The following ZEB1 variants were observed in gnomAD, a reference collection of about 807,000 sequenced individuals.
ZEB1 encodes the protein zinc finger E-box-binding homeobox 1.
In ZEB1, 21 loss-of-function variants were observed where a neutral mutation model predicts 84.9. The observed-to-expected ratio is 0.25, with a 90% CI of 0.18 to 0.36. The LOEUF is 0.36. Ranked by LOEUF, ZEB1 falls within the 10% of genes least tolerant of loss-of-function variation. ZEB1 has a pLI of 1.00. For synonymous variants in ZEB1, 420 were observed against 471.1 expected, an observed-to-expected ratio of 0.89 and a Z score of 1.41; for missense variants, 1,104 against 1,330.2, an observed-to-expected ratio of 0.83 and a Z score of 2.65.
At chr10:31,412,919 T>C (rs896304275) in intron 1 of ZEB1, among the ~76,000 whole-genome samples, 9 of 152,188 alleles carry the variant, frequency 5.9e-5, no homozygotes, top group African/African-American at 1.9e-4. Flanking sequence ...AGAGGCCCTA[T>C]ATAAAGCCAG....
chr10:31,436,771 T>A (rs1315929257), intron 1 of ZEB1, among the ~76,000 whole-genome samples: 4 of 152,162 alleles, frequency 2.6e-5, no homozygotes, highest in African/African-American at 9.7e-5. Flanking sequence ...AGGTCATAAT[T>A]TCTTTAAAGT....
rs1246784359 is a variant in ZEB1, at chr10:31,411,114, G to A, written c.59-49923G>A. On this transcript the variant is annotated intron_variant, in intron 1 of 8. Transcript: ENST00000424869. ...TATTCTAAAATCAACCACATAGTTG[G>A]AAGTAAAACACTCCTCAGCAAATGC... Among the ~76,000 whole-genome samples the A allele has an allele frequency of 2.6e-5, 4 of 152,076 alleles. 1 individual carries two copies. The highest frequency in any genetic ancestry group is 2.0e-4 in the Admixed American group (3 of 15,282).
chr10:31,354,443 T>C (rs1369399163), intron 1 of ZEB1, among the ~76,000 whole-genome samples: 1 of 152,156 alleles, frequency 6.6e-6, no homozygotes, highest in African/African-American at 2.4e-5. Flanking sequence ...ATGTCTCTTT[T>C]TGGAAAAATA....
At chr10:31,449,466 G>A (rs1419646165) in intron 1 of ZEB1, among the ~76,000 whole-genome samples, 1 of 152,166 alleles carries the variant, frequency 6.6e-6, no homozygotes, top group South Asian at 2.1e-4. Context: ...ATACTTTTAT[G>A]GTTTCAGTTT....
intron 1 of ZEB1, among the ~76,000 whole-genome samples, chr10:31,444,654 C>G (rs1032533226): frequency 2.0e-5 from 3 of 152,012 alleles, no homozygotes; most frequent in East Asian, 3.9e-4. Flanking sequence ...TTCCCAGCAC[C>G]ATTTGTTAAA....
chr10:31,448,508 C>G (rs552731587), intron 1 of ZEB1, among the ~76,000 whole-genome samples: 1,816 of 149,390 alleles, frequency 0.012, 38 homozygotes, highest in African/African-American at 0.043. Context: ...AGAGTTTCCA[C>G]TTTTTCTGTT....
At chr10:31,447,297 C>T (rs1396890451) in intron 1 of ZEB1, among the ~76,000 whole-genome samples, 2 of 144,422 alleles carry the variant, frequency 1.4e-5, no homozygotes, top group Non-Finnish European at 3.0e-5. Context: ...TTATTTTGAG[C>T]CTATGTGTGT....
chr10:31,348,763 T>G (rs2133807656), intron 1 of ZEB1, among the ~76,000 whole-genome samples: 1 of 152,316 alleles, frequency 6.6e-6, no homozygotes, highest in Middle Eastern at 3.4e-3. Flanking sequence ...AAAAAGTATG[T>G]TATTCATTCA....
chr10:31,419,483 G>C (rs1157308670), intron 1 of ZEB1, among the ~76,000 whole-genome samples: 1 of 152,102 alleles, frequency 6.6e-6, no homozygotes, highest in Non-Finnish European at 1.5e-5. Flanking sequence ...TTTGCTAAGA[G>C]AACAGGTAGA....
At chr10:31,429,215 C>T (rs1260765897) in intron 1 of ZEB1, among the ~76,000 whole-genome samples, 1 of 152,118 alleles carries the variant, frequency 6.6e-6, no homozygotes, top group Non-Finnish European at 1.5e-5. Flanking sequence ...TCTTTCCTTT[C>T]CCTATTTAAT....
chr10:31,527,413 AC>A lies in ZEB1; in HGVS notation c.*150del. 1.3e-5 allele frequency: 2 copies of A among 152,858 alleles called. No homozygotes were observed. The highest frequency in any genetic ancestry group is 2.1e-5 in the Non-Finnish European group (2 of 94,848). The allele number at this position is 152,858 out of a possible 1,614,324, so 9.5% of individuals were successfully genotyped here. ...AAACTAAAAAAATACAAAATACAAA[AC>A]ACACACACACACACACACACACACA... On this transcript the variant is annotated 3_prime_UTR_variant, in exon 9 of 9. Coordinates refer to ENST00000424869, the MANE Select transcript of ZEB1 (RefSeq NM_001174096.2).
At chr10:31,467,696 G>T (rs946881645) in intron 2 of ZEB1, among the ~76,000 whole-genome samples, 2 of 152,178 alleles carry the variant, frequency 1.3e-5, no homozygotes, top group African/African-American at 4.8e-5. Context: ...GGAATATGGG[G>T]ATGAGATCTG....
At chr10:31,355,853 TG>T (rs2042035264) in intron 1 of ZEB1, among the ~76,000 whole-genome samples, 1 of 152,164 alleles carries the variant, frequency 6.6e-6, no homozygotes, top group Non-Finnish European at 1.5e-5. Flanking sequence ...TGGGAAACCA[TG>T]GAAAGGTTTT....
intron 1 of ZEB1, among the ~76,000 whole-genome samples, chr10:31,351,321 A>G (rs1033055419): frequency 6.6e-6 from 1 of 152,192 alleles, no homozygotes; most frequent in African/African-American, 2.4e-5. Flanking sequence ...CGTCAAAACA[A>G]AATTAAGTTT....
intron 1 of ZEB1, among the ~76,000 whole-genome samples, chr10:31,376,996 A>T (rs556124209): frequency 6.6e-6 from 1 of 151,424 alleles, no homozygotes; most frequent in South Asian, 2.1e-4. Flanking sequence ...TGAAATTCTC[A>T]TCTAAGCTTT....
At chr10:31,481,164 C>T (rs760953037) in intron 2 of ZEB1, among the ~76,000 whole-genome samples, 2 of 152,040 alleles carry the variant, frequency 1.3e-5, no homozygotes, top group African/African-American at 4.8e-5. Flanking sequence ...CCAGATTTCT[C>T]ACCGTAAGAT....
Position 31,520,178 on chromosome 10 carries a change from C to A in ZEB1, c.846C>A (p.Gly282=). 1.2e-6 allele frequency: 2 copies of A among 1,613,896 alleles called. No homozygotes were observed. Among genetic ancestry groups the A allele is most frequent in the Non-Finnish European group, 1.7e-6 (2 of 1,179,874 alleles). ...GCAAGAAACGCTTTTCCCATTCTGG[C>A]TCCTATAGCTCACACATAAGCAGTA... ...PNCKKRFSHS[G]SYSSHISSKK... Residue 282 remains glycine, a synonymous_variant, in exon 7 of 9, where the codon GGC becomes GGA. Coordinates refer to ENST00000424869, the MANE Select transcript of ZEB1 (RefSeq NM_001174096.2). This position sits in a 1 kb window ranked among gnomAD's most constrained non-coding sequence, Gnocchi z 5.1.
intron 1 of ZEB1, among the ~76,000 whole-genome samples, chr10:31,439,386 A>C (rs2058647857): frequency 6.6e-6 from 1 of 152,148 alleles, no homozygotes; most frequent in Non-Finnish European, 1.5e-5. Context: ...AATTTTGATA[A>C]ATATTGCCAA....
intron 6 of ZEB1, among the ~76,000 whole-genome samples, chr10:31,517,819 T>C (rs1366233192): frequency 6.6e-6 from 1 of 152,174 alleles, no homozygotes; most frequent in Non-Finnish European, 1.5e-5. Flanking sequence ...TGTTAGTTAT[T>C]TGTATGCATT....
Sources: gnomAD v4.1 joint callset for allele counts (sites outside exome capture counted in the v4.1 genomes callset) on GRCh38, gnomAD v4.1.1 for gene constraint, Gnocchi (gnomAD v3.1) non-coding constraint, MANE v1.5 for transcripts, NCBI Gene and HGNC (gene_info 2026-07-23, HGNC 2026-07-21) for gene names.